The following NTN1 variants were observed in gnomAD, a reference collection of about 807,000 sequenced individuals.
NTN1 encodes the protein netrin-1.
Under a neutral mutation model 54.2 loss-of-function variants are expected in NTN1, and 11 were observed. That is an observed-to-expected ratio of 0.20 (90% confidence interval 0.13 to 0.34). The LOEUF (loss-of-function observed/expected upper bound fraction) is 0.34. Among genes scored for constraint, NTN1 ranks in the 10% least tolerant of loss-of-function variants. NTN1 has a pLI of 1.00. For synonymous variants in NTN1, 371 were observed against 382.0 expected, an observed-to-expected ratio of 0.97 and a Z score of 0.33; for missense variants, 740 against 893.1, an observed-to-expected ratio of 0.83 and a Z score of 2.18.
intron 5 of NTN1, chr17:9,183,611 C>T: frequency 3.8e-6 from 1 of 260,916 alleles, no homozygotes; most frequent in South Asian, 4.0e-5. Flanking sequence ...ACAGAAGTTA[C>T]TAGACCTGCT....
In NTN1 at chr17:9,242,953, GA is replaced by G. The variant is rs1405848453; in HGVS notation, c.*2986del. The G allele has an allele frequency of 6.6e-6, 1 of 152,212 alleles. No individual in the cohort carries two copies. The highest frequency in any genetic ancestry group is 1.5e-5 in the Non-Finnish European group (1 of 68,042). The allele number at this position is 152,212 out of a possible 1,614,324, so 9.4% of individuals were successfully genotyped here. A position where few individuals can be genotyped will look rare whatever the true frequency, so the allele number is the denominator to read the frequency against. On this transcript the variant is annotated 3_prime_UTR_variant, in exon 7 of 7. Coordinates refer to ENST00000173229, the MANE Select transcript of NTN1 (RefSeq NM_004822.3). ...AACGGAACTAGATTTTGATTTTGAA[GA>G]GTGTATTAACCAGAATTGTGCTATG...
At chr17:9,097,252 G>C (rs528513760) in intron 2 of NTN1, among the ~76,000 whole-genome samples, 1 of 152,160 alleles carries the variant, frequency 6.6e-6, no homozygotes, top group Non-Finnish European at 1.5e-5. Flanking sequence ...CTATGCCGAC[G>C]CTTGTTCACC....
chr17:9,051,653 A>G (rs183480029), intron 2 of NTN1, among the ~76,000 whole-genome samples: 35 of 152,362 alleles, frequency 2.3e-4, no homozygotes, highest in Middle Eastern at 6.8e-3. Flanking sequence ...AAGCTAATTA[A>G]TATAGCCATC....
chr17:9,213,157 G>T (rs909400915), intron 5 of NTN1, among the ~76,000 whole-genome samples: 6 of 152,186 alleles, frequency 3.9e-5, no homozygotes, highest in African/African-American at 1.4e-4. Flanking sequence ...GAGCCAGGAT[G>T]CCAGCCAGCC....
At chr17:9,066,542 C>T (rs531776166) in intron 2 of NTN1, among the ~76,000 whole-genome samples, 1 of 152,134 alleles carries the variant, frequency 6.6e-6, no homozygotes, top group East Asian at 1.9e-4. Flanking sequence ...GCAGGAGAAT[C>T]GCTTGAATCT....
chr17:9,238,247 G>T lies in NTN1; in HGVS notation c.1487-1393G>T, dbSNP rs563856844. On this transcript the variant is annotated intron_variant, in intron 6 of 6. Transcript: ENST00000173229. ...TGACTGCTGGACGTTCCCTGGGGAG[G>T]TGTCCTTGTGGCTGCTGAAGCCACA... 2.7e-4 allele frequency among the ~76,000 whole-genome samples: 41 copies of T among 152,310 alleles called. 1 individual carries two copies. The South Asian group carries it at 8.3e-3, about 31-fold the overall frequency.
At chr17:9,159,822 T>C (rs550393015) in intron 2 of NTN1, among the ~76,000 whole-genome samples, 1 of 151,578 alleles carries the variant, frequency 6.6e-6, no homozygotes, top group South Asian at 2.1e-4. Flanking sequence ...TAAATAAATA[T>C]AAATAAAAAT....
intron 3 of NTN1, among the ~76,000 whole-genome samples, chr17:9,166,775 C>A (rs1053463927): frequency 2.4e-4 from 37 of 152,252 alleles, no homozygotes; most frequent in Non-Finnish European, 2.6e-4. Flanking sequence ...TTCTTGACTC[C>A]CAAATTGGCT....
At position 9,242,498 on chromosome 17, in the gene NTN1, G is replaced by C. The variant is rs1303168629; in HGVS notation, c.*2530G>C. ...CCCACCCTGGGTCTGGGTCTCACGG[G>C]TGTCCTGTGAGGGGCTTGCATTTGT... On this transcript the variant is annotated 3_prime_UTR_variant, in exon 7 of 7. Transcript: ENST00000173229. The C allele has an allele frequency of 6.6e-6, 1 of 152,316 alleles. No homozygotes were observed. Among genetic ancestry groups the C allele is most frequent in the Non-Finnish European group, 1.5e-5 (1 of 68,092 alleles). The allele number at this position is 152,316 out of a possible 1,614,324, so 9.4% of individuals were successfully genotyped here.
intron 2 of NTN1, among the ~76,000 whole-genome samples, chr17:9,064,196 A>G (rs1466794503): frequency 6.6e-6 from 1 of 152,116 alleles, no homozygotes; most frequent in East Asian, 1.9e-4. Flanking sequence ...GCATCCATTC[A>G]TTCATCGGTC....
chr17:9,138,501 C>G lies in NTN1; in HGVS notation c.1019-24312C>G, dbSNP rs1039179543. ...TGCCTCTCCCTGACCTCAACCTGTCCCCCCACTCTCCGCACACTGTCACCA... is the reference window on the plus strand; with the variant it reads ...TGCCTCTCCCTGACCTCAACCTGTCGCCCCACTCTCCGCACACTGTCACCA... On this transcript the variant is annotated intron_variant, in intron 2 of 6. Transcript: ENST00000173229. 3.9e-5 allele frequency among the ~76,000 whole-genome samples: 6 copies of G among 152,150 alleles called. No individual in the cohort carries two copies. The East Asian group carries it at 1.2e-3, about 29-fold the overall frequency.
intron 2 of NTN1, among the ~76,000 whole-genome samples, chr17:9,106,600 G>A (rs1789918396): frequency 6.6e-6 from 1 of 151,476 alleles, no homozygotes; most frequent in African/African-American, 2.4e-5. Flanking sequence ...TGCAACCTCC[G>A]CTTCCTGGGT....
intron 2 of NTN1, among the ~76,000 whole-genome samples, chr17:9,121,182 C>T (rs79467836): frequency 0.039 from 5,919 of 152,230 alleles, 161 homozygotes; most frequent in Admixed American, 0.091. Context: ...AAACCCCTCA[C>T]TGGGGATGAA....
chr17:9,232,637 T>C lies in NTN1; in HGVS notation c.1487-7003T>C, dbSNP rs182528896. Among the ~76,000 whole-genome samples the C allele has an allele frequency of 2.7e-3, 417 of 152,296 alleles. 8 individuals are homozygous for C. Among genetic ancestry groups the C allele is most frequent in the African/African-American group, 9.4e-3 (391 of 41,520 alleles). ...TGGCAGGCACATGGCAGGAGATCCC[T>C]GAGGACTCCTGAGGGCAGCGGTGGC... On this transcript the variant is annotated intron_variant, in intron 6 of 6. Transcript: ENST00000173229.
chr17:9,117,648 G>A (rs758435399), intron 2 of NTN1, among the ~76,000 whole-genome samples: 5 of 151,890 alleles, frequency 3.3e-5, no homozygotes, highest in Admixed American at 6.6e-5. Context: ...GGAGGCTGAG[G>A]CAGGAGAATC....
At chr17:9,006,544 T>G in the NTN1 span, among the ~76,000 whole-genome samples, 5 of 152,126 alleles carry the variant, frequency 3.3e-5, no homozygotes, top group African/African-American at 1.2e-4. Context: ...ACATCACAGA[T>G]TGTGAGATTT....
chr17:9,169,654 C>T (rs999009428), intron 3 of NTN1, among the ~76,000 whole-genome samples: 19 of 152,138 alleles, frequency 1.2e-4, no homozygotes, highest in Non-Finnish European at 1.6e-4. Flanking sequence ...CACCTGAGGT[C>T]AGGATTTTGA....
intron 5 of NTN1, among the ~76,000 whole-genome samples, chr17:9,206,716 G>A (rs1904978008): frequency 6.6e-6 from 1 of 152,172 alleles, no homozygotes; most frequent in South Asian, 2.1e-4. Context: ...AGAATCCAAT[G>A]CCCCATATTT....
chr17:9,195,030 T>TC (rs1904586742), intron 5 of NTN1, among the ~76,000 whole-genome samples: 1 of 151,952 alleles, frequency 6.6e-6, no homozygotes, highest in Non-Finnish European at 1.5e-5. Context: ...TCTGTCTCCC[T>TC]CTCTCTCTCC....
Sources: gnomAD v4.1 joint callset for allele counts (sites outside exome capture counted in the v4.1 genomes callset) on GRCh38, gnomAD v4.1.1 for gene constraint, MANE v1.5 for transcripts, NCBI Gene and HGNC (gene_info 2026-07-23, HGNC 2026-07-21) for gene names.